The following OR56A3 variants were observed in gnomAD, a reference collection of about 807,000 sequenced individuals.
OR56A3 encodes olfactory receptor 56A3.
Under a neutral mutation model 17.5 loss-of-function variants are expected in OR56A3, and 23 were observed. That is an observed-to-expected ratio of 1.32 (90% CI 0.95 to 1.87). OR56A3 has a LOEUF of 1.87. OR56A3 is among the 40% of genes most tolerant of loss of function. The pLI is 0.00. For missense variants in OR56A3, 366 were observed against 380.1 expected, an observed-to-expected ratio of 0.96 and a Z score of 0.31; for synonymous variants, 175 against 150.6, an observed-to-expected ratio of 1.16 and a Z score of -1.19.
At chr11:6,002,574 G>T in the OR56A3 span, 1 of 1,614,264 alleles carries the variant, frequency 6.2e-7, no homozygotes, top group Non-Finnish European at 8.5e-7. Context: ...AAACTGGTCA[G>T]TGATGATAGA....
At chr11:5,982,022 C>A in the OR56A3 span, among the ~76,000 whole-genome samples, 1 of 152,182 alleles carries the variant, frequency 6.6e-6, no homozygotes, top group Non-Finnish European at 1.5e-5. Flanking sequence ...AAGCTAAGCA[C>A]CTACTGCACT....
the OR56A3 span, among the ~76,000 whole-genome samples, chr11:5,978,530 T>C: frequency 1.3e-5 from 2 of 152,118 alleles, no homozygotes; most frequent in Admixed American, 1.3e-4. Flanking sequence ...TATTGGTGTG[T>C]ATAGGAATAG....
the OR56A3 span, among the ~76,000 whole-genome samples, chr11:6,016,481 C>G: frequency 2.0e-5 from 3 of 152,080 alleles, no homozygotes; most frequent in Non-Finnish European, 2.9e-5. Flanking sequence ...CCAACTAACA[C>G]TATAGTTACA....
At chr11:6,001,767 C>G in the OR56A3 span, 2 of 329,572 alleles carry the variant, frequency 6.1e-6, no homozygotes, top group Admixed American at 9.0e-5. Flanking sequence ...TCTAATACAG[C>G]TCCATTTGTC....
chr11:5,988,001 C>T, the OR56A3 span, among the ~76,000 whole-genome samples: 1 of 152,162 alleles, frequency 6.6e-6, no homozygotes, highest in Non-Finnish European at 1.5e-5. Flanking sequence ...AAAAGATTAT[C>T]AAAAGTTATC....
downstream of OR56A3, among the ~76,000 whole-genome samples, chr11:5,954,983 T>C (rs1391705543): frequency 6.6e-6 from 1 of 152,192 alleles, no homozygotes; most frequent in East Asian, 1.9e-4. Flanking sequence ...CCATTTAGTC[T>C]TTGAATGAAT....
the OR56A3 span, among the ~76,000 whole-genome samples, chr11:6,012,129 T>C: frequency 6.6e-6 from 1 of 152,232 alleles, no homozygotes; most frequent in African/African-American, 2.4e-5. Context: ...GCAACTCTTT[T>C]AGCCTTGCCA....
At chr11:5,969,976 C>T in the OR56A3 span, among the ~76,000 whole-genome samples, 714 of 152,250 alleles carry the variant, frequency 4.7e-3, 8 homozygotes, top group African/African-American at 0.017. Flanking sequence ...TCTAAGACTG[C>T]ACTATCTGTT....
the OR56A3 span, among the ~76,000 whole-genome samples, chr11:5,982,059 G>A: frequency 3.3e-3 from 504 of 152,282 alleles, no homozygotes; most frequent in Non-Finnish European, 4.9e-3. Flanking sequence ...TCTCCGTCCC[G>A]TGGCAACAAC....
intron 2 of OR56A3, among the ~76,000 whole-genome samples, chr11:5,945,371 G>C (rs1032590376): frequency 6.6e-6 from 1 of 151,678 alleles, no homozygotes; most frequent in Admixed American, 6.6e-5. Flanking sequence ...TCAGGAGATC[G>C]AGACCATCCT....
the OR56A3 span, chr11:6,002,366 C>T: frequency 6.2e-7 from 1 of 1,614,158 alleles, no homozygotes; most frequent in South Asian, 1.1e-5. Context: ...CAGAGCCCAA[C>T]AGAGTCCAGC....
chr11:5,948,742 G>A lies in OR56A3; in HGVS notation c.*448G>A, dbSNP rs1260751499. On this transcript the variant is annotated 3_prime_UTR_variant, in exon 3 of 3. Transcript: ENST00000641160. ...GTAGTTGAAATTTCAGTCCTCAGTG[G>A]TGGAAAGTTGCTACTGGTCTGTAAG... 2 of 162,958 alleles carry A rather than the reference G, an allele frequency of 1.2e-5. No individual in the cohort carries two copies. The highest frequency in any genetic ancestry group is 1.1e-4 in the Admixed American group (2 of 17,396). The allele number at this position is 162,958 out of a possible 1,614,324, so 10.1% of individuals were successfully genotyped here.
the OR56A3 span, among the ~76,000 whole-genome samples, chr11:5,997,303 A>G: frequency 2.6e-5 from 4 of 152,322 alleles, no homozygotes; most frequent in East Asian, 5.8e-4. Flanking sequence ...TCCTGCTTAT[A>G]TGGAACACCT....
chr11:5,998,918 G>C, the OR56A3 span, among the ~76,000 whole-genome samples: 9 of 152,212 alleles, frequency 5.9e-5, no homozygotes, highest in African/African-American at 2.2e-4. Flanking sequence ...AGATGGGATT[G>C]TTGGTACAAT....
At chr11:6,002,440 G>C in the OR56A3 span, 1 of 1,614,244 alleles carries the variant, frequency 6.2e-7, no homozygotes, top group African/African-American at 1.3e-5. Flanking sequence ...GACACAGACA[G>C]GTTACTGCAG....
At chr11:6,019,999 A>T in the OR56A3 span, 2 of 152,128 alleles carry the variant, frequency 1.3e-5, no homozygotes, top group Non-Finnish European at 2.9e-5. Context: ...TAATTCTATT[A>T]TAAGCATCCT....
chr11:5,973,383 T>G, the OR56A3 span, among the ~76,000 whole-genome samples: 1 of 152,236 alleles, frequency 6.6e-6, no homozygotes, highest in Non-Finnish European at 1.5e-5. Flanking sequence ...ACTAAATTCC[T>G]GTTAATTTTG....
chr11:5,972,335 C>A, the OR56A3 span, among the ~76,000 whole-genome samples: 1 of 152,020 alleles, frequency 6.6e-6, no homozygotes, highest in Non-Finnish European at 1.5e-5. Context: ...GTATCAGAGC[C>A]CATTGACTTT....
chr11:6,014,041 C>A, the OR56A3 span, among the ~76,000 whole-genome samples: 2 of 152,176 alleles, frequency 1.3e-5, no homozygotes, highest in African/African-American at 4.8e-5. Flanking sequence ...TAAGAATCAG[C>A]CCATCTCAAC....
Sources: gnomAD v4.1 joint callset for allele counts (sites outside exome capture counted in the v4.1 genomes callset) on GRCh38, gnomAD v4.1.1 for gene constraint, MANE v1.5 for transcripts, NCBI Gene and HGNC (gene_info 2026-07-23, HGNC 2026-07-21) for gene names.